Variants in LINGO2 observed in about 807,000 individuals in gnomAD.
LINGO2 encodes leucine rich repeat and Ig domain containing 2, also known as leucine-rich repeat and immunoglobulin-like domain-containing nogo receptor-interacting protein 2.
Under a neutral mutation model 30.6 loss-of-function variants are expected in LINGO2, and 14 were observed. The ratio of observed to expected loss-of-function variants is 0.46; its 90% confidence interval spans 0.30 to 0.72. The LOEUF (loss-of-function observed/expected upper bound fraction) is 0.72, where lower values mean the gene tolerates loss of function less well. Ranked by LOEUF, LINGO2 falls within the 30% of genes least tolerant of loss-of-function variation. The pLI is 0.07. For missense variants in LINGO2, 729 were observed against 751.7 expected (o/e 0.97, Z 0.35); for synonymous variants, 317 against 288.5 (o/e 1.10, Z -1.00).
At chr9:28,068,323 C>T (rs538909823) in intron 4 of LINGO2, among the ~76,000 whole-genome samples, 3 of 152,182 alleles carry the variant, frequency 2.0e-5, no homozygotes, top group Admixed American at 6.5e-5. Flanking sequence ...TTATAGGGAG[C>T]CACCATCTTG....
At chr9:29,072,257 TTC>T in the LINGO2 span, among the ~76,000 whole-genome samples, 1 of 152,126 alleles carries the variant, frequency 6.6e-6, no homozygotes, top group African/African-American at 2.4e-5. Flanking sequence ...TAAATTTGTC[TTC>T]TGATTTCTTG....
chr9:28,459,712 T>C (rs1278380008), intron 2 of LINGO2, among the ~76,000 whole-genome samples: 1 of 152,054 alleles, frequency 6.6e-6, no homozygotes, highest in African/African-American at 2.4e-5. Context: ...AATATATTAT[T>C]TATCAAATAA....
At chr9:29,175,989 A>G in the LINGO2 span, among the ~76,000 whole-genome samples, 4 of 152,096 alleles carry the variant, frequency 2.6e-5, no homozygotes, top group Non-Finnish European at 5.9e-5. Context: ...TTATTCAGGA[A>G]TCCTTACTGA....
intron 4 of LINGO2, among the ~76,000 whole-genome samples, chr9:28,186,191 T>C (rs1028086006): frequency 4.6e-5 from 7 of 152,142 alleles, no homozygotes; most frequent in African/African-American, 1.7e-4. Flanking sequence ...TATAGGGGGA[T>C]TGGAAAAGTC....
chr9:28,700,854 T>G, the LINGO2 span, among the ~76,000 whole-genome samples: 3 of 152,098 alleles, frequency 2.0e-5, no homozygotes, highest in Admixed American at 2.0e-4. Context: ...CTAATAGGTA[T>G]GTAGTGGTAA....
intron 4 of LINGO2, among the ~76,000 whole-genome samples, chr9:28,123,961 C>T (rs1827169684): frequency 6.6e-6 from 1 of 152,166 alleles, no homozygotes; most frequent in Non-Finnish European, 1.5e-5. Flanking sequence ...CCACCGCACC[C>T]AGCCTATTTA....
At chr9:28,660,870 C>T (rs1828556796) in intron 1 of LINGO2, among the ~76,000 whole-genome samples, 1 of 152,072 alleles carries the variant, frequency 6.6e-6, no homozygotes, top group South Asian at 2.1e-4. Context: ...TCTGATGCTA[C>T]CTTTTCTGTC....
the LINGO2 span, among the ~76,000 whole-genome samples, chr9:28,972,266 C>G: frequency 6.6e-6 from 1 of 152,290 alleles, no homozygotes; most frequent in South Asian, 2.1e-4. Context: ...TCATCAACAA[C>G]ATCCAGGAAA....
intron 1 of LINGO2, among the ~76,000 whole-genome samples, chr9:28,540,177 T>G (rs941861353): frequency 2.0e-5 from 3 of 152,040 alleles, no homozygotes; most frequent in African/African-American, 7.2e-5. Flanking sequence ...CATGGAAGGC[T>G]ACACCTATGG....
At chr9:28,089,877 G>A (rs1826025402) in intron 4 of LINGO2, among the ~76,000 whole-genome samples, 1 of 151,998 alleles carries the variant, frequency 6.6e-6, no homozygotes, top group African/African-American at 2.4e-5. Flanking sequence ...AATGATAAAG[G>A]GGATATCACC....
At chr9:28,758,563 C>G in the LINGO2 span, among the ~76,000 whole-genome samples, 6 of 152,082 alleles carry the variant, frequency 3.9e-5, no homozygotes, top group South Asian at 1.2e-3. Flanking sequence ...TTGTCATCAT[C>G]CCTCTGAGCA....
At chr9:28,488,024 T>G (rs1826241930) in intron 1 of LINGO2, among the ~76,000 whole-genome samples, 1 of 152,204 alleles carries the variant, frequency 6.6e-6, no homozygotes, top group African/African-American at 2.4e-5. Flanking sequence ...TTTTAAAGTA[T>G]AGCCCTGCTG....
intron 4 of LINGO2, among the ~76,000 whole-genome samples, chr9:28,234,651 C>T (rs567977980): frequency 6.6e-6 from 1 of 152,328 alleles, no homozygotes; most frequent in East Asian, 1.9e-4. Context: ...TGCCCTCGAA[C>T]ATCAGACTCC....
the LINGO2 span, among the ~76,000 whole-genome samples, chr9:29,009,432 T>C: frequency 6.6e-4 from 100 of 152,242 alleles, no homozygotes; most frequent in African/African-American, 2.3e-3. Context: ...CATTCACAAT[T>C]GCTACAAAGA....
At chr9:28,822,190 C>T in the LINGO2 span, among the ~76,000 whole-genome samples, 3 of 152,142 alleles carry the variant, frequency 2.0e-5, no homozygotes, top group Non-Finnish European at 4.4e-5. Flanking sequence ...CCAAAGCATA[C>T]TCAACCAAAG....
chr9:28,467,802 T>A (rs541454884), intron 2 of LINGO2, among the ~76,000 whole-genome samples: 1 of 152,158 alleles, frequency 6.6e-6, no homozygotes, highest in African/African-American at 2.4e-5. Flanking sequence ...CTTTGAGTCA[T>A]ATATTAGAGT....
At chr9:28,006,488 C>A (rs941481991) in intron 5 of LINGO2, among the ~76,000 whole-genome samples, 1 of 152,000 alleles carries the variant, frequency 6.6e-6, no homozygotes, top group Non-Finnish European at 1.5e-5. Context: ...GTATAAAATG[C>A]CTTGCATTAG....
chr9:28,588,210 A>G lies in LINGO2; in HGVS notation c.-365+81990T>C, dbSNP rs569021419. Reference sequence around the variant, plus strand: ...TGTTTCTAGCATGGTGTTTCCTCCTACACAACCTCCCACCTATGTGGAAGA... The same window carrying G: ...TGTTTCTAGCATGGTGTTTCCTCCTGCACAACCTCCCACCTATGTGGAAGA... On this transcript the variant is annotated intron_variant, in intron 1 of 5. Transcript: ENST00000379992. Among the ~76,000 whole-genome samples, 224 of 151,872 alleles carry G rather than the reference A, an allele frequency of 1.5e-3. 1 individual carries two copies. The highest frequency in any genetic ancestry group is 5.3e-3 in the African/African-American group (220 of 41,528).
intron 1 of LINGO2, among the ~76,000 whole-genome samples, chr9:28,482,120 G>C (rs948570952): frequency 5.3e-5 from 8 of 151,842 alleles, no homozygotes; most frequent in Non-Finnish European, 1.0e-4. Flanking sequence ...ATGATTTATA[G>C]TCCTTTGGGT....
Sources: gnomAD v4.1 joint callset for allele counts (sites outside exome capture counted in the v4.1 genomes callset) on GRCh38, gnomAD v4.1.1 for gene constraint, MANE v1.5 for transcripts, NCBI Gene and HGNC (gene_info 2026-07-23, HGNC 2026-07-21) for gene names.